The following EPG5 variants were observed in gnomAD, a reference collection of about 807,000 sequenced individuals.
EPG5 encodes the protein ectopic P-granules 5 autophagy tethering factor.
In EPG5, 159 loss-of-function variants were observed where a neutral mutation model predicts 302.7. The observed-to-expected ratio is 0.53, with a 90% CI of 0.46 to 0.60. EPG5 has a LOEUF of 0.60. EPG5 is among the 20% of genes least tolerant of loss of function. The probability of loss-of-function intolerance (pLI) is 0.00; values close to 1 mark genes in which losing one functional copy is unlikely to be tolerated. For missense variants in EPG5, 2,896 were observed against 3,092.4 expected (o/e 0.94, Z 1.51); for synonymous variants, 1,158 against 1,136.8 (o/e 1.02, Z -0.37).
At chr18:45,869,675 C>T (rs1471830805) in intron 36 of EPG5, among the ~76,000 whole-genome samples, 16 of 152,166 alleles carry the variant, frequency 1.1e-4, no homozygotes, top group Non-Finnish European at 1.5e-5. Flanking sequence ...TGGGATTTCT[C>T]TAGAACAACT....
chr18:45,954,929 G>C lies in EPG5; in HGVS notation c.473C>G (p.Ser158Cys). 1 of 1,613,594 alleles carries C rather than the reference G, an allele frequency of 6.2e-7. No individual in the cohort carries two copies. Among genetic ancestry groups the C allele is most frequent in the Non-Finnish European group, 8.5e-7 (1 of 1,179,810 alleles). The part of the protein sequence containing the change: ...QGGLSESAPQ[S>C]NFSYTQPAME... ...TGCTGGCTGAGTATAAGAAAAATTA[G>C]ATTGGGGTGCACTTTCTGAAAGTCC... The change falls in exon 2 of 44, where the codon TCT becomes TGT. Residue 158 changes from serine to cysteine, a missense_variant. By Grantham distance (112) the Ser-to-Cys change is moderately radical (BLOSUM62 -1). Around this residue, in one of 5 missense-constraint regions of EPG5, gnomAD observed 1,390 missense variants for 1,430.0 expected, o/e 0.97. Coordinates refer to ENST00000282041, the MANE Select transcript of EPG5 (RefSeq NM_020964.3).
At chr18:45,856,747 G>C (rs1000420925) in intron 42 of EPG5, among the ~76,000 whole-genome samples, 1 of 152,134 alleles carries the variant, frequency 6.6e-6, no homozygotes, top group Non-Finnish European at 1.5e-5. Flanking sequence ...CATCAAGTTT[G>C]CAAACTCTTT....
At chr18:45,940,188 C>G (rs557216201) in intron 9 of EPG5, among the ~76,000 whole-genome samples, 1 of 152,122 alleles carries the variant, frequency 6.6e-6, no homozygotes, top group Admixed American at 6.5e-5. Context: ...GTAGAAGAAA[C>G]AGCCAATGCA....
At chr18:45,935,496 C>A (rs144350863) in intron 10 of EPG5, among the ~76,000 whole-genome samples, 1 of 152,124 alleles carries the variant, frequency 6.6e-6, no homozygotes, top group South Asian at 2.1e-4. Flanking sequence ...AAGCCAAGAT[C>A]GCACCATTGT....
the EPG5 span, among the ~76,000 whole-genome samples, chr18:45,813,073 GA>G: frequency 1.3e-5 from 2 of 151,718 alleles, no homozygotes; most frequent in East Asian, 1.9e-4. Flanking sequence ...AAATTTACAA[GA>G]AAAAAACAAC....
rs369721234 is a variant in EPG5, at chr18:45,952,660, A to G, written c.1009-17T>C. The G allele has an allele frequency of 6.2e-7, 1 of 1,612,584 alleles. No individual in the cohort carries two copies. The highest frequency in any genetic ancestry group is 1.3e-5 in the African/African-American group (1 of 74,982). ...ACAGATACCCTACCAGAGGACAAAA[A>G]GGTACAATATGAAACCAGTTACTCT... is the stretch of plus-strand genomic sequence containing the variant. On this transcript the variant is annotated splice_polypyrimidine_tract_variant and intron_variant, in intron 2 of 43. Transcript: ENST00000282041.
chr18:45,958,270 T>G (rs1297128990), intron 1 of EPG5, among the ~76,000 whole-genome samples: 1 of 152,156 alleles, frequency 6.6e-6, no homozygotes, highest in African/African-American at 2.4e-5. Flanking sequence ...ACCTACAAAC[T>G]CTACACAATG....
the EPG5 span, chr18:45,842,286 G>C: frequency 7.3e-7 from 1 of 1,376,794 alleles, no homozygotes; most frequent in South Asian, 1.2e-5. Flanking sequence ...CGGGCACCTT[G>C]GCAGCCCCCA....
At chr18:45,856,324 T>C (rs144582471) in intron 42 of EPG5, among the ~76,000 whole-genome samples, 1 of 152,232 alleles carries the variant, frequency 6.6e-6, no homozygotes, top group Admixed American at 6.5e-5. Context: ...TCCATTTATA[T>C]GAAATGTCCA....
chr18:45,879,684 A>C (rs2049049615), intron 32 of EPG5, among the ~76,000 whole-genome samples: 1 of 152,178 alleles, frequency 6.6e-6, no homozygotes, highest in Non-Finnish European at 1.5e-5. Context: ...TGGGTTTCAA[A>C]CCTTTTCTAA....
chr18:45,903,161 G>A (rs1255610392), intron 25 of EPG5, among the ~76,000 whole-genome samples: 3 of 152,224 alleles, frequency 2.0e-5, no homozygotes, highest in Non-Finnish European at 2.9e-5. Context: ...GAGAATCTAC[G>A]TTGTTGGCTT....
At chr18:45,899,702 G>T in intron 26 of EPG5, 136 bp from the exon 27 acceptor site, 2 of 863,378 alleles carry the variant, frequency 2.3e-6, no homozygotes, top group Non-Finnish European at 3.5e-6. Flanking sequence ...AGGACCAAAG[G>T]TTGTGAGCCA....
the EPG5 span, among the ~76,000 whole-genome samples, chr18:45,831,995 G>A: frequency 6.6e-6 from 1 of 152,328 alleles, no homozygotes; most frequent in South Asian, 2.1e-4. Context: ...GCCTCCCAAA[G>A]TGCTGGGATT....
At chr18:45,921,928 T>C (rs973799362) in intron 16 of EPG5, among the ~76,000 whole-genome samples, 8 of 151,388 alleles carry the variant, frequency 5.3e-5, no homozygotes, top group Non-Finnish European at 8.8e-5. Context: ...AACCTGCACG[T>C]TGTGCACATG....
At chr18:45,926,519 C>T (rs2050271725) in intron 13 of EPG5, among the ~76,000 whole-genome samples, 1 of 152,034 alleles carries the variant, frequency 6.6e-6, no homozygotes, top group Non-Finnish European at 1.5e-5. Context: ...ATAACACATC[C>T]AAGTGTGCAA....
chr18:45,846,482 C>G (rs2048365081), downstream of EPG5, among the ~76,000 whole-genome samples: 1 of 130,616 alleles, frequency 7.7e-6, no homozygotes, highest in African/African-American at 2.9e-5. Context: ...GATCGCGCCA[C>G]TGCACTCCAG....
At chr18:45,830,068 T>C in the EPG5 span, among the ~76,000 whole-genome samples, 1 of 152,066 alleles carries the variant, frequency 6.6e-6, no homozygotes, top group Non-Finnish European at 1.5e-5. Flanking sequence ...TGCTCCGCCA[T>C]GAAACCGACA....
At chr18:45,841,474 C>T in the EPG5 span, among the ~76,000 whole-genome samples, 99,634 of 151,714 alleles carry the variant, frequency 0.66, 33,333 homozygotes, top group East Asian at 0.9. Context: ...TTTAAGCGGA[C>T]GCATGGCTCC....
intron 1 of EPG5, among the ~76,000 whole-genome samples, chr18:45,956,603 C>T (rs1250214794): frequency 2.0e-5 from 3 of 151,916 alleles, no homozygotes; most frequent in Non-Finnish European, 4.4e-5. Context: ...ACTACAGGCA[C>T]CTGACTAATT....
Sources: gnomAD v4.1 joint callset for allele counts (sites outside exome capture counted in the v4.1 genomes callset) on GRCh38, gnomAD v4.1.1 for gene constraint, gnomAD v4.1.1 regional missense constraint, MANE v1.5 for transcripts, NCBI Gene and HGNC (gene_info 2026-07-23, HGNC 2026-07-21) for gene names.